SIPA1L1: variants seen among roughly 807,000 people sequenced by gnomAD.
The protein encoded by SIPA1L1 is signal-induced proliferation-associated 1-like protein 1.
A neutral mutation model predicts 162.7 loss-of-function variants in SIPA1L1; 26 were observed. That is an observed-to-expected ratio of 0.16 (90% CI 0.12 to 0.22). The LOEUF (loss-of-function observed/expected upper bound fraction) is 0.22. Ranked by LOEUF, SIPA1L1 falls within the 10% of genes least tolerant of loss-of-function variation. The pLI is 1.00. For synonymous variants in SIPA1L1, 829 were observed against 837.4 expected (o/e 0.99, Z 0.17); for missense variants, 1,874 against 2,241.0 (o/e 0.84, Z 3.31).
chr14:71,414,598 T>A (rs1205315546), intron 2 of SIPA1L1, among the ~76,000 whole-genome samples: 1 of 152,254 alleles, frequency 6.6e-6, no homozygotes, highest in Non-Finnish European at 1.5e-5. Flanking sequence ...TTCTGGCTAC[T>A]TAAGAAGGTT....
chr14:71,584,481 A>G (rs1279138241), intron 4 of SIPA1L1, among the ~76,000 whole-genome samples: 1 of 152,240 alleles, frequency 6.6e-6, no homozygotes, highest in African/African-American at 2.4e-5. Flanking sequence ...TCATCTTCTT[A>G]CTTGTCTGTG....
intron 2 of SIPA1L1, among the ~76,000 whole-genome samples, chr14:71,327,349 G>A (rs906596321): frequency 2.0e-5 from 3 of 152,216 alleles, no homozygotes; most frequent in Non-Finnish European, 4.4e-5. Context: ...CTCCCAGTGT[G>A]CTGGGATTAC....
intron 2 of SIPA1L1, among the ~76,000 whole-genome samples, chr14:71,335,346 G>T (rs1294054755): frequency 6.6e-6 from 1 of 152,070 alleles, no homozygotes; most frequent in Non-Finnish European, 1.5e-5. Context: ...GGTGGTTTTG[G>T]GTTCTTCTAA....
intron 2 of SIPA1L1, among the ~76,000 whole-genome samples, chr14:71,392,311 C>T (rs2040825900): frequency 6.6e-6 from 1 of 152,198 alleles, no homozygotes; most frequent in South Asian, 2.1e-4. Flanking sequence ...TCTCACTCGC[C>T]TGTCACCGAG....
chr14:71,529,704 G>A (rs929818629), intron 4 of SIPA1L1, among the ~76,000 whole-genome samples: 3 of 152,198 alleles, frequency 2.0e-5, no homozygotes, highest in Admixed American at 1.3e-4. Flanking sequence ...AGCTCGCCCT[G>A]ATTAGGAGCA....
At chr14:71,435,637 C>T (rs939306919) in intron 2 of SIPA1L1, among the ~76,000 whole-genome samples, 18 of 152,138 alleles carry the variant, frequency 1.2e-4, no homozygotes, top group Admixed American at 2.6e-4. Context: ...AATAAACATA[C>T]GTGTGCATGT....
At chr14:71,452,487 A>G (rs994704577) in intron 2 of SIPA1L1, among the ~76,000 whole-genome samples, 3 of 152,110 alleles carry the variant, frequency 2.0e-5, no homozygotes, top group African/African-American at 7.2e-5. Context: ...TAGTATTTTT[A>G]TACTTGTTTT....
At position 71,740,016 on chromosome 14, in the gene SIPA1L1, T is replaced by C. The variant is rs1301052545; in HGVS notation, c.*855T>C. The C allele has an allele frequency of 6.6e-6, 1 of 152,232 alleles. No individual in the cohort carries two copies. The highest frequency in any genetic ancestry group is 1.5e-5 in the Non-Finnish European group (1 of 68,038). 9.4% of individuals were successfully genotyped at this position (152,232 alleles called of 1,614,324 possible). On this transcript the variant is annotated 3_prime_UTR_variant, in exon 24 of 24. Transcript: ENST00000381232. The stretch of plus-strand genomic sequence containing the variant: ...CAAACTAAAACCTTATCTGTCTGCA[T>C]TTTGAATGCATTTTGGTCAAAAGTA...
At chr14:71,365,854 T>C (rs1051230309) in intron 2 of SIPA1L1, among the ~76,000 whole-genome samples, 3 of 151,580 alleles carry the variant, frequency 2.0e-5, no homozygotes, top group Non-Finnish European at 4.4e-5. Context: ...GCCTCCTGAG[T>C]AGCTGGGACT....
rs565893855 is a variant in SIPA1L1 at position 71,544,297 on chromosome 14, A to G, written c.-303+14927A>G. On this transcript the variant is annotated intron_variant, in intron 4 of 23. Coordinates refer to ENST00000381232, the MANE Select transcript of SIPA1L1 (RefSeq NM_001386936.1). ...TATACATATGTGTATATACATATATATCATGTGTGTATATACATATATGTA... is the reference window on the plus strand; with the variant it reads ...TATACATATGTGTATATACATATATGTCATGTGTGTATATACATATATGTA... Among the ~76,000 whole-genome samples, 165 of 148,002 alleles carry G rather than the reference A, an allele frequency of 1.1e-3. 2 individuals are homozygous for G. The highest frequency in any genetic ancestry group is 3.9e-3 in the African/African-American group (158 of 40,934).
At chr14:71,596,381 C>G (rs2036030982) in intron 5 of SIPA1L1, among the ~76,000 whole-genome samples, 1 of 152,150 alleles carries the variant, frequency 6.6e-6, no homozygotes, top group Non-Finnish European at 1.5e-5. Flanking sequence ...GATTTGAAGG[C>G]ACTGCATCCA....
chr14:71,638,439 C>T (rs2041380848), intron 7 of SIPA1L1, among the ~76,000 whole-genome samples: 1 of 152,122 alleles, frequency 6.6e-6, no homozygotes, highest in African/African-American at 2.4e-5. Flanking sequence ...GAAGAAAAAT[C>T]ACGTGGTAAT....
At chr14:71,543,495 T>C (rs940891686) in intron 4 of SIPA1L1, among the ~76,000 whole-genome samples, 5 of 152,188 alleles carry the variant, frequency 3.3e-5, no homozygotes, top group African/African-American at 4.8e-5. Context: ...TGCCATGTTA[T>C]AGTTGCACCA....
chr14:71,599,853 T>G (rs192443930), intron 5 of SIPA1L1, among the ~76,000 whole-genome samples: 1 of 152,354 alleles, frequency 6.6e-6, no homozygotes, highest in East Asian at 1.9e-4. Flanking sequence ...TTGCTTTGCA[T>G]TCCTCTGATA....
intron 7 of SIPA1L1, among the ~76,000 whole-genome samples, chr14:71,631,126 T>C (rs1380368604): frequency 6.6e-6 from 1 of 152,110 alleles, no homozygotes; most frequent in Non-Finnish European, 1.5e-5. Flanking sequence ...CAGTGTTTGG[T>C]TTTCTGTCCT....
At chr14:71,341,683 T>C (rs1400341956) in intron 2 of SIPA1L1, among the ~76,000 whole-genome samples, 1 of 152,174 alleles carries the variant, frequency 6.6e-6, no homozygotes, top group Admixed American at 6.5e-5. Flanking sequence ...AGTTCCAGTG[T>C]CTATTATTGC....
At chr14:71,495,886 C>CAAAAAAAAAAAAAAA (rs61183823) in intron 2 of SIPA1L1, among the ~76,000 whole-genome samples, 1 of 38,008 alleles carries the variant, frequency 2.6e-5, no homozygotes, top group East Asian at 5.1e-4. Flanking sequence ...TCCATCTCTA[C>CAAAAAAAAAAAAAAA]AAAAAAAAAA....
chr14:71,381,409 A>G (rs1445642135), intron 2 of SIPA1L1, among the ~76,000 whole-genome samples: 2 of 152,118 alleles, frequency 1.3e-5, no homozygotes, highest in Non-Finnish European at 2.9e-5. Context: ...TCATATTCGT[A>G]TATTTGAAAG....
chr14:71,409,539 T>G (rs183197734), intron 2 of SIPA1L1, among the ~76,000 whole-genome samples: 1 of 152,330 alleles, frequency 6.6e-6, no homozygotes. Flanking sequence ...AGGTTTCACC[T>G]TTAGTAAAAG....
Sources: gnomAD v4.1 joint callset for allele counts (sites outside exome capture counted in the v4.1 genomes callset) on GRCh38, gnomAD v4.1.1 for gene constraint, MANE v1.5 for transcripts, NCBI Gene and HGNC (gene_info 2026-07-23, HGNC 2026-07-21) for gene names.